Variants in WDPCP observed in about 807,000 individuals in gnomAD.
WDPCP encodes the protein WD repeat-containing and planar cell polarity effector protein fritz homolog.
A neutral mutation model predicts 93.1 loss-of-function variants in WDPCP; 71 were observed. The observed-to-expected ratio is 0.76, with a 90% CI of 0.63 to 0.93. WDPCP has a LOEUF of 0.93. WDPCP is among the 40% of genes least tolerant of loss of function. WDPCP has a pLI of 0.00. For missense variants in WDPCP, 844 were observed against 887.4 expected, an observed-to-expected ratio of 0.95 and a Z score of 0.62; for synonymous variants, 315 against 315.0, an observed-to-expected ratio of 1.00 and a Z score of 0.00.
At chr2:63,765,961 C>T (rs1001531095) in intron 2 of WDPCP, among the ~76,000 whole-genome samples, 1 of 152,208 alleles carries the variant, frequency 6.6e-6, no homozygotes, top group Non-Finnish European at 1.5e-5. Context: ...GATATTTGGG[C>T]AGAACTTCTA....
chr2:63,501,895 T>C (rs530253888), intron 1 of WDPCP, among the ~76,000 whole-genome samples: 19 of 152,226 alleles, frequency 1.2e-4, no homozygotes, highest in Non-Finnish European at 1.9e-4. Flanking sequence ...GGATTCCAGG[T>C]GTGAGCCACC....
intron 2 of WDPCP, among the ~76,000 whole-genome samples, chr2:63,793,917 T>G (rs1252895211): frequency 9.3e-5 from 14 of 151,150 alleles, no homozygotes; most frequent in Non-Finnish European, 2.1e-4. Context: ...TGTATCATAT[T>G]GCCATTTTTA....
chr2:63,466,434 A>G (rs1171809148), intron 6 of WDPCP, among the ~76,000 whole-genome samples: 1 of 152,190 alleles, frequency 6.6e-6, no homozygotes. Context: ...AATATCACGA[A>G]TATAAATTTG....
chr2:63,594,505 C>A, intron 3 of WDPCP: 2 of 1,613,306 alleles, frequency 1.2e-6, no homozygotes, highest in South Asian at 2.2e-5. Flanking sequence ...CAATCAGAGT[C>A]CTTGTGACTG....
At chr2:63,149,062 T>C (rs983891637) in intron 17 of WDPCP, among the ~76,000 whole-genome samples, 1 of 152,044 alleles carries the variant, frequency 6.6e-6, no homozygotes, top group Non-Finnish European at 1.5e-5. Context: ...ATTTTTTTCG[T>C]CAACCACAAA....
At chr2:63,713,003 T>A (rs957625344) in intron 2 of WDPCP, among the ~76,000 whole-genome samples, 1 of 152,178 alleles carries the variant, frequency 6.6e-6, no homozygotes, top group African/African-American at 2.4e-5. Flanking sequence ...TCTCTAAGGA[T>A]TCATTCTCTG....
intron 1 of WDPCP, among the ~76,000 whole-genome samples, chr2:63,524,337 T>C (rs1703160124): frequency 6.6e-6 from 1 of 152,166 alleles, no homozygotes; most frequent in Admixed American, 6.5e-5. Context: ...AGCATCACAC[T>C]ACCTGACCTC....
chr2:63,833,846 G>T, the WDPCP span, among the ~76,000 whole-genome samples: 1 of 152,122 alleles, frequency 6.6e-6, no homozygotes, highest in Non-Finnish European at 1.5e-5. Context: ...ACTATAGTAT[G>T]GTCAGTTTAC....
At chr2:63,796,425 C>T (rs866249294) in intron 2 of WDPCP, among the ~76,000 whole-genome samples, 1 of 152,222 alleles carries the variant, frequency 6.6e-6, no homozygotes, top group African/African-American at 2.4e-5. Flanking sequence ...AATCACAGTA[C>T]CTGGCTTTAA....
intron 2 of WDPCP, among the ~76,000 whole-genome samples, chr2:63,722,827 C>T (rs928054598): frequency 6.6e-6 from 1 of 152,046 alleles, no homozygotes; most frequent in Non-Finnish European, 1.5e-5. Flanking sequence ...ACAATGGCGG[C>T]TTTGTGGAAT....
intron 1 of WDPCP, among the ~76,000 whole-genome samples, chr2:63,549,480 T>G (rs1436829403): frequency 6.6e-6 from 1 of 151,850 alleles, no homozygotes; most frequent in Admixed American, 6.6e-5. Flanking sequence ...ATTTTAAAAC[T>G]ATTCTCAGCA....
At chr2:63,796,189 T>C (rs994284541) in intron 2 of WDPCP, among the ~76,000 whole-genome samples, 37 of 152,170 alleles carry the variant, frequency 2.4e-4, no homozygotes, top group African/African-American at 7.0e-4. Context: ...CAGGTGAACA[T>C]GAGGAGAGCC....
chr2:63,309,040 A>G (rs570541829), intron 13 of WDPCP, among the ~76,000 whole-genome samples: 7 of 152,184 alleles, frequency 4.6e-5, no homozygotes, highest in African/African-American at 1.4e-4. Context: ...ATTCTCTCTT[A>G]TAAGTGTGAG....
intron 9 of WDPCP, 123 bp downstream of exon 9, chr2:63,433,622 T>C: frequency 9.3e-7 from 1 of 1,070,218 alleles, no homozygotes; most frequent in South Asian, 1.8e-5. Flanking sequence ...TATGATACTT[T>C]TTGAATATTT....
chr2:63,817,920 T>C (rs1039174393), intron 1 of WDPCP, among the ~76,000 whole-genome samples: 1 of 152,214 alleles, frequency 6.6e-6, no homozygotes, highest in Non-Finnish European at 1.5e-5. Flanking sequence ...GGTGAGATTT[T>C]CAGCTAAATA....
intron 14 of WDPCP, among the ~76,000 whole-genome samples, chr2:63,203,217 TATG>T (rs2104348553): frequency 6.6e-6 from 1 of 152,228 alleles, no homozygotes; most frequent in South Asian, 2.1e-4. Flanking sequence ...TTACAGAGTA[TATG>T]AGATGTTCTG....
At chr2:63,197,492 G>A (rs1156410218) in intron 14 of WDPCP, among the ~76,000 whole-genome samples, 2 of 151,888 alleles carry the variant, frequency 1.3e-5, no homozygotes, top group African/African-American at 4.8e-5. Flanking sequence ...CTTTTAAAAG[G>A]GCAATTTGGC....
chr2:63,561,815 A>T (rs1488972713), intron 1 of WDPCP, among the ~76,000 whole-genome samples: 3 of 152,232 alleles, frequency 2.0e-5, no homozygotes, highest in Non-Finnish European at 4.4e-5. Flanking sequence ...CAAAACCACA[A>T]TGAGATACCA....
chr2:63,519,028 C>T (rs890503357), intron 1 of WDPCP: 1 of 151,228 alleles, frequency 6.6e-6, no homozygotes, highest in Admixed American at 6.6e-5. Flanking sequence ...CCCACTGTAC[C>T]ACCACTGTCA....
Sources: gnomAD v4.1 joint callset for allele counts (sites outside exome capture counted in the v4.1 genomes callset) on GRCh38, gnomAD v4.1.1 for gene constraint, MANE v1.5 for transcripts, NCBI Gene and HGNC (gene_info 2026-07-23, HGNC 2026-07-21) for gene names.